The following ORC5 variants were observed in gnomAD, a reference collection of about 807,000 sequenced individuals.
ORC5 encodes the protein protein phosphatase 1, regulatory subunit 117.
ORC5 carries 39 observed loss-of-function variants against 58.8 expected under a neutral mutation model. That is an observed-to-expected ratio of 0.66 (90% CI 0.51 to 0.87). The LOEUF is 0.87. ORC5 is among the 40% of genes least tolerant of loss of function. ORC5 has a pLI of 0.00. For missense variants in ORC5, 493 were observed against 506.3 expected, an observed-to-expected ratio of 0.97 and a Z score of 0.25; for synonymous variants, 218 against 177.6, an observed-to-expected ratio of 1.23 and a Z score of -1.81.
intron 6 of ORC5, chr7:104,188,012 T>C: frequency 9.1e-7 from 1 of 1,099,124 alleles, no homozygotes; most frequent in African/African-American, 1.6e-5. Context: ...GATCTGAGAA[T>C]GACATTTTTC....
At chr7:104,153,865 T>C (rs988901741) in intron 12 of ORC5, among the ~76,000 whole-genome samples, 1 of 152,158 alleles carries the variant, frequency 6.6e-6, no homozygotes, top group African/African-American at 2.4e-5. Flanking sequence ...ATTAGATATT[T>C]TTATCTACTA....
chr7:104,167,706 T>A (rs377153417), intron 9 of ORC5, among the ~76,000 whole-genome samples: 5 of 152,220 alleles, frequency 3.3e-5, no homozygotes, highest in Admixed American at 3.3e-4. Context: ...TACTTAAGCA[T>A]CACTTTGAAT....
chr7:104,156,966 T>C (rs1798937920), intron 12 of ORC5, among the ~76,000 whole-genome samples: 1 of 151,956 alleles, frequency 6.6e-6, no homozygotes, highest in South Asian at 2.1e-4. Flanking sequence ...TGCAAAAACA[T>C]TGCCATCTAG....
intron 12 of ORC5, among the ~76,000 whole-genome samples, chr7:104,154,205 TTGTC>T (rs1250161540): frequency 6.6e-6 from 1 of 152,092 alleles, no homozygotes; most frequent in Non-Finnish European, 1.5e-5. Context: ...AGTCTTGAGA[TTGTC>T]TGACACCAAT....
chr7:104,200,672 A>C (rs943271443), intron 3 of ORC5, 86 bp downstream of exon 3: 6 of 828,296 alleles, frequency 7.2e-6, no homozygotes, highest in African/African-American at 6.9e-5. Context: ...GTACATAATG[A>C]GACTCAAAAC....
chr7:104,202,621 G>A, intron 2 of ORC5: 2 of 419,620 alleles, frequency 4.8e-6, no homozygotes, highest in South Asian at 3.5e-5. Flanking sequence ...GATAAAAAAT[G>A]GAATACAGTC....
Position 104,200,805 on chromosome 7 carries a change from T to G in ORC5, c.319A>C (p.Lys107Gln). The change falls in exon 3 of 14, where the codon AAA becomes CAA. Residue 107 changes from lysine (K) to glutamine (Q), a missense_variant. Physicochemically the swap from Lys to Gln is moderately conservative, Grantham distance 53. Coordinates refer to ENST00000297431, the MANE Select transcript of ORC5 (RefSeq NM_002553.4). ...AGATTTTCAGCTGTGGTTACTTGTT[T>G]AAACAAGCGAACAAAGTCATTAAAT... ...ETFNDFVRLF[K>Q]QVTTAENLKD... 6.2e-7 allele frequency: 1 copy of G among 1,612,682 alleles called. No homozygotes were observed. The highest frequency in any genetic ancestry group is 8.5e-7 in the Non-Finnish European group (1 of 1,178,792).
chr7:104,148,516 A>G (rs1798796546), intron 12 of ORC5, among the ~76,000 whole-genome samples: 1 of 152,202 alleles, frequency 6.6e-6, no homozygotes, highest in African/African-American at 2.4e-5. Flanking sequence ...ACAAAGAAGT[A>G]TCTCAATACA....
At chr7:104,190,691 T>C (rs1799655569) in intron 5 of ORC5, among the ~76,000 whole-genome samples, 2 of 152,030 alleles carry the variant, frequency 1.3e-5, no homozygotes, top group South Asian at 4.1e-4. Context: ...TGCAATGCTC[T>C]CCTTAGACTT....
At chr7:104,161,976 T>G (rs138145560) in intron 11 of ORC5, among the ~76,000 whole-genome samples, 15 of 152,310 alleles carry the variant, frequency 9.8e-5, no homozygotes, top group African/African-American at 3.1e-4. Flanking sequence ...AGTCGTAGCT[T>G]AACTTAGAAA....
At position 104,195,236 on chromosome 7, in the gene ORC5, C is replaced by T; in HGVS notation, c.460G>A (p.Val154Ile). The T allele has an allele frequency of 6.4e-7, 1 of 1,554,378 alleles. No individual in the cohort carries two copies. Among genetic ancestry groups the T allele is most frequent in the Non-Finnish European group, 8.7e-7 (1 of 1,155,450 alleles). Residue 154 changes from valine to isoleucine, a missense_variant, in exon 5 of 14, where the codon GTT becomes ATT. This residue lies in a region of ORC5 where 412 missense variants were observed against 403.7 expected (regional missense o/e 1.02). Transcript: ENST00000297431. ...LQELADRNVT[V>I]LFLSEIVWEK... ...CAAACAATTTCACTGAGAAAGAGAA[C>T]AGTCACATTTCTGTCAGCCTGTAAA... is the stretch of plus-strand genomic sequence containing the variant.
At chr7:104,195,404 C>T (rs999788303) in intron 4 of ORC5, 150 bp from the exon 5 acceptor site, 13 of 519,406 alleles carry the variant, frequency 2.5e-5, no homozygotes, top group Non-Finnish European at 4.0e-5. Context: ...TTTAGAAAAC[C>T]TAATCAAGGA....
intron 8 of ORC5, among the ~76,000 whole-genome samples, chr7:104,175,599 AAGAAG>A (rs779326151): frequency 2.6e-5 from 4 of 152,228 alleles, no homozygotes; most frequent in African/African-American, 7.2e-5. Context: ...TCTAAAAGAA[AAGAAG>A]AGATCAATGT....
chr7:104,199,056 A>T (rs1799868433), intron 3 of ORC5, among the ~76,000 whole-genome samples: 1 of 152,168 alleles, frequency 6.6e-6, no homozygotes, highest in Admixed American at 6.5e-5. Context: ...ATTTCAGAGG[A>T]TGTACAGAAA....
chr7:104,204,071 G>A, intron 2 of ORC5, 71 bp downstream of exon 2: 1 of 746,178 alleles, frequency 1.3e-6, no homozygotes, highest in South Asian at 2.1e-5. Context: ...CATTTGTGGA[G>A]ATTCACAATT....
intron 1 of ORC5, among the ~76,000 whole-genome samples, chr7:104,204,922 C>T: frequency 6.6e-6 from 1 of 152,100 alleles, no homozygotes; most frequent in East Asian, 1.9e-4. Context: ...AATACTTGTA[C>T]TTCATTCCTT....
intron 8 of ORC5, among the ~76,000 whole-genome samples, chr7:104,174,895 C>G (rs1350979829): frequency 1.3e-5 from 2 of 152,180 alleles, no homozygotes; most frequent in African/African-American, 4.8e-5. Context: ...GACTAGCAGG[C>G]CACTGCACAC....
chr7:104,136,875 G>C lies in ORC5; in HGVS notation c.1168C>G (p.Leu390Val). 1 of 1,612,822 alleles carries C rather than the reference G, an allele frequency of 6.2e-7. No homozygotes were observed. Among genetic ancestry groups the C allele is most frequent in the Non-Finnish European group, 8.5e-7 (1 of 1,178,894 alleles). ...TGGCCAACCAGGGTTAACAGCTGAA[G>C]GGTCACTAGAGAGGTAATCTAAAAG... Reference protein sequence around the residue: ...IFSQITSLVTLQLLTLVGHDD... With the variant: ...IFSQITSLVTVQLLTLVGHDD... Residue 390 changes from leucine to valine, a missense_variant, in exon 13 of 14, where the codon CTT (leucine) becomes GTT (valine). Physicochemically the swap from Leu to Val is conservative, Grantham distance 32 (BLOSUM62 1). Transcript: ENST00000297431. The surrounding 1 kb of genome is among the most constrained non-coding windows in gnomAD (Gnocchi z 4.2).
At chr7:104,130,169 G>T (rs1022902436) in intron 13 of ORC5, among the ~76,000 whole-genome samples, 20 of 151,852 alleles carry the variant, frequency 1.3e-4, no homozygotes, top group African/African-American at 4.6e-4. Flanking sequence ...TTGAAAATGT[G>T]TAACTACCAT....
Sources: gnomAD v4.1 joint callset for allele counts (sites outside exome capture counted in the v4.1 genomes callset) on GRCh38, gnomAD v4.1.1 for gene constraint, gnomAD v4.1.1 regional missense constraint, Gnocchi (gnomAD v3.1) non-coding constraint, MANE v1.5 for transcripts, NCBI Gene and HGNC (gene_info 2026-07-23, HGNC 2026-07-21) for gene names.